The following TENM4 variants were observed in gnomAD, a reference collection of about 807,000 sequenced individuals.
The protein encoded by TENM4 is teneurin transmembrane protein 4.
A neutral mutation model predicts 243.3 loss-of-function variants in TENM4; 82 were observed. That is an observed-to-expected ratio of 0.34 (90% CI 0.28 to 0.40). TENM4 has a LOEUF of 0.40. Ranked by LOEUF, TENM4 falls within the 10% of genes least tolerant of loss-of-function variation. TENM4 has a pLI of 1.00. For synonymous variants in TENM4, 1,412 were observed against 1,456.3 expected (o/e 0.97, Z 0.69); for missense variants, 3,138 against 3,673.3 (o/e 0.85, Z 3.77).
chr11:79,032,610 A>G (rs1375717254), intron 6 of TENM4, among the ~76,000 whole-genome samples: 1 of 152,168 alleles, frequency 6.6e-6, no homozygotes, highest in Non-Finnish European at 1.5e-5. Context: ...CCTTAGACTG[A>G]CCACTGCTTA....
At chr11:78,730,304 T>G (rs1238129170) in intron 21 of TENM4, among the ~76,000 whole-genome samples, 1 of 152,178 alleles carries the variant, frequency 6.6e-6, no homozygotes, top group African/African-American at 2.4e-5. Context: ...CTCAAAACTT[T>G]CCTCAAATGA....
chr11:78,919,822 C>T (rs1856408690), intron 6 of TENM4, among the ~76,000 whole-genome samples: 1 of 152,202 alleles, frequency 6.6e-6, no homozygotes, highest in African/African-American at 2.4e-5. Flanking sequence ...ACCCGCTGTG[C>T]TATCAGCCTA....
At chr11:79,366,743 T>A (rs986546312) in intron 1 of TENM4, among the ~76,000 whole-genome samples, 1 of 152,204 alleles carries the variant, frequency 6.6e-6, no homozygotes, top group Non-Finnish European at 1.5e-5. Flanking sequence ...ACTATATTCT[T>A]TCTTGTGTTT....
In TENM4 at chr11:79,149,174, T is replaced by A. The variant is rs7104557; in HGVS notation, c.-162-368A>T. On this transcript the variant is annotated intron_variant, in intron 3 of 33. Transcript: ENST00000278550. ...AGAGAATCTCCAGGTACTGGGCATA[T>A]AATGGAAAGCAGCACAGAGAAAGGT... is the stretch of plus-strand genomic sequence containing the variant. Among the ~76,000 whole-genome samples the A allele has an allele frequency of 7.6e-3, 1,159 of 152,170 alleles. 10 individuals are homozygous for A. The highest frequency in any genetic ancestry group is 0.024 in the African/African-American group (997 of 41,530).
intron 11 of TENM4, among the ~76,000 whole-genome samples, chr11:78,854,873 A>T (rs1387870037): frequency 6.6e-6 from 1 of 152,200 alleles, no homozygotes; most frequent in Non-Finnish European, 1.5e-5. Flanking sequence ...GAGCAAATTT[A>T]GGGGAACTCA....
At chr11:79,222,089 T>C (rs1427143148) in intron 2 of TENM4, among the ~76,000 whole-genome samples, 1 of 152,254 alleles carries the variant, frequency 6.6e-6, no homozygotes, top group African/African-American at 2.4e-5. Flanking sequence ...ATAGGTGTGC[T>C]GTGAAAATCT....
At chr11:79,101,108 C>T (rs1266661010) in intron 4 of TENM4, among the ~76,000 whole-genome samples, 1 of 152,118 alleles carries the variant, frequency 6.6e-6, no homozygotes, top group Non-Finnish European at 1.5e-5. Context: ...GGGGGCCATC[C>T]CCAGGGTTTC....
intron 1 of TENM4, among the ~76,000 whole-genome samples, chr11:79,317,900 T>C (rs1856828497): frequency 6.6e-6 from 1 of 152,194 alleles, no homozygotes; most frequent in South Asian, 2.1e-4. Flanking sequence ...AATTGTCCTG[T>C]GTGGGTGGAT....
chr11:78,938,559 A>G (rs1414722525), intron 6 of TENM4, among the ~76,000 whole-genome samples: 11 of 152,208 alleles, frequency 7.2e-5, no homozygotes, highest in African/African-American at 2.7e-4. Flanking sequence ...AAAATAACAA[A>G]AGAAAAATAT....
At chr11:78,888,547 T>C (rs1855593597) in intron 9 of TENM4, among the ~76,000 whole-genome samples, 1 of 152,260 alleles carries the variant, frequency 6.6e-6, no homozygotes, top group Non-Finnish European at 1.5e-5. Context: ...TTACAGCTTA[T>C]GCCACTCAAA....
chr11:78,879,967 C>T (rs1859386918), intron 9 of TENM4, among the ~76,000 whole-genome samples: 1 of 152,186 alleles, frequency 6.6e-6, no homozygotes, highest in African/African-American at 2.4e-5. Context: ...AGACAGCGAC[C>T]ATCGAGAATG....
chr11:79,027,890 G>A (rs757930330), intron 6 of TENM4, among the ~76,000 whole-genome samples: 10 of 152,118 alleles, frequency 6.6e-5, no homozygotes, highest in South Asian at 2.1e-4. Flanking sequence ...CCCCTAACAC[G>A]CTTGCAATGT....
chr11:79,385,585 T>C (rs1280090527), intron 1 of TENM4, among the ~76,000 whole-genome samples: 2 of 152,218 alleles, frequency 1.3e-5, no homozygotes, highest in South Asian at 2.1e-4. Context: ...ACAAATTATG[T>C]ACCCTCATTA....
At chr11:79,359,067 A>G (rs1857546977) in intron 1 of TENM4, among the ~76,000 whole-genome samples, 1 of 151,982 alleles carries the variant, frequency 6.6e-6, no homozygotes, top group East Asian at 1.9e-4. Flanking sequence ...ATAGTTCAAG[A>G]CCAGTCTGGG....
rs575195637 is a variant in TENM4 at position 78,654,925 on chromosome 11, CG to C, written c.*3132del. 1.7e-3 allele frequency: 256 copies of C among 152,414 alleles called. 1 individual carries two copies. The highest frequency in any genetic ancestry group is 5.9e-3 in the African/African-American group (246 of 41,478). The allele number at this position is 152,414 out of a possible 1,614,324, so 9.4% of individuals were successfully genotyped here. ...GATGTAGGACCAGTTGGCAGCTGTGCGGGGTAGGAGAGAAGGCAGGAACTGT... is the reference window on the plus strand; with the variant it reads ...GATGTAGGACCAGTTGGCAGCTGTGCGGGTAGGAGAGAAGGCAGGAACTGT... On this transcript the variant is annotated 3_prime_UTR_variant, in exon 34 of 34. Transcript: ENST00000278550.
intron 6 of TENM4, among the ~76,000 whole-genome samples, chr11:78,984,873 C>T (rs796274232): frequency 1.4e-4 from 21 of 152,134 alleles, no homozygotes; most frequent in African/African-American, 4.8e-4. Flanking sequence ...ACATTTCAAG[C>T]GATCAGTGGT....
At chr11:79,239,046 C>T (rs548888982) in intron 2 of TENM4, among the ~76,000 whole-genome samples, 86 of 130,246 alleles carry the variant, frequency 6.6e-4, no homozygotes, top group African/African-American at 2.2e-3. Flanking sequence ...CAAACAAACA[C>T]GCAAAAAGAA....
chr11:79,371,247 T>C (rs147171677), intron 1 of TENM4, among the ~76,000 whole-genome samples: 1 of 152,286 alleles, frequency 6.6e-6, no homozygotes, highest in East Asian at 1.9e-4. Context: ...TGGCACTACC[T>C]AGTCAAGGTA....
intron 1 of TENM4, among the ~76,000 whole-genome samples, chr11:79,437,666 G>A (rs919518957): frequency 3.9e-4 from 60 of 152,314 alleles, no homozygotes; most frequent in African/African-American, 1.4e-3. Context: ...CGGGGGAGGC[G>A]GGCCACGAGG....
Sources: gnomAD v4.1 joint callset for allele counts (sites outside exome capture counted in the v4.1 genomes callset) on GRCh38, gnomAD v4.1.1 for gene constraint, MANE v1.5 for transcripts, NCBI Gene and HGNC (gene_info 2026-07-23, HGNC 2026-07-21) for gene names.